The following PDE1A variants were observed in gnomAD, a reference collection of about 807,000 sequenced individuals.
The protein encoded by PDE1A is phosphodiesterase 1A, also known as dual specificity calcium/calmodulin-dependent 3',5'-cyclic nucleotide phosphodiesterase 1A.
PDE1A carries 35 observed loss-of-function variants against 61.7 expected under a neutral mutation model. The observed-to-expected ratio is 0.57, with a 90% CI of 0.43 to 0.75. PDE1A has a LOEUF of 0.75. Among genes scored for constraint, PDE1A ranks in the 30% least tolerant of loss-of-function variants. PDE1A has a pLI of 0.00. For missense variants in PDE1A, 597 were observed against 630.6 expected, an observed-to-expected ratio of 0.95 and a Z score of 0.57; for synonymous variants, 232 against 213.2, an observed-to-expected ratio of 1.09 and a Z score of -0.77.
chr2:182,706,914 A>G, the PDE1A span, among the ~76,000 whole-genome samples: 2 of 152,370 alleles, frequency 1.3e-5, no homozygotes, highest in Middle Eastern at 3.4e-3. Flanking sequence ...TAAAACTGGC[A>G]GTGAAAACAA....
the PDE1A span, among the ~76,000 whole-genome samples, chr2:182,616,949 C>G: frequency 6.6e-6 from 1 of 152,302 alleles, no homozygotes; most frequent in East Asian, 1.9e-4. Flanking sequence ...TGCCTTATGC[C>G]AGACTTCCTC....
At chr2:182,660,165 G>A in the PDE1A span, among the ~76,000 whole-genome samples, 2 of 152,134 alleles carry the variant, frequency 1.3e-5, no homozygotes, top group Admixed American at 1.3e-4. Context: ...GAAAAAGATG[G>A]TCCCCAGCCT....
At chr2:182,348,472 C>T (rs1303449119) in intron 1 of PDE1A, among the ~76,000 whole-genome samples, 1 of 152,044 alleles carries the variant, frequency 6.6e-6, no homozygotes, top group East Asian at 1.9e-4. Flanking sequence ...ACAGGAAGGC[C>T]ATAAATTCCC....
chr2:182,284,501 A>AT (rs543522720), intron 1 of PDE1A, among the ~76,000 whole-genome samples: 41 of 152,248 alleles, frequency 2.7e-4, no homozygotes, highest in African/African-American at 9.9e-4. Context: ...TAAAATGCAT[A>AT]TAAATATATT....
intron 2 of PDE1A, among the ~76,000 whole-genome samples, chr2:182,509,963 A>G (rs1231771470): frequency 1.3e-5 from 2 of 152,268 alleles, no homozygotes; most frequent in East Asian, 3.9e-4. Context: ...ATACTTATGC[A>G]GAGTTTAGTT....
Position 182,426,789 on chromosome 2 carries a change from T to C in PDE1A, c.-159A>G, listed in dbSNP as rs1703650304. 17 of 1,455,832 alleles carry C rather than the reference T, an allele frequency of 1.2e-5. No homozygotes were observed. The South Asian group carries it at 2.3e-4, about 20-fold the overall frequency. The allele number at this position is 1,455,832 out of a possible 1,614,324, so 90.2% of individuals were successfully genotyped here. On this transcript the variant is annotated 5_prime_UTR_variant, in exon 1 of 14. Transcript: ENST00000351439. The stretch of plus-strand genomic sequence containing the variant: ...GTGCTGGGAGAAAACTTCCCTGTTC[T>C]CTGCCAGCTGAGCAGTGTGTCCATA...
intron 2 of PDE1A, among the ~76,000 whole-genome samples, chr2:182,443,496 T>A (rs1463751662): frequency 6.6e-6 from 1 of 151,820 alleles, no homozygotes; most frequent in Non-Finnish European, 1.5e-5. Context: ...CTCGAGATAG[T>A]GAGTGTGTTC....
chr2:182,688,060 C>G, the PDE1A span, among the ~76,000 whole-genome samples: 47 of 152,248 alleles, frequency 3.1e-4, no homozygotes, highest in Middle Eastern at 3.4e-3. Flanking sequence ...GACTGGTGTA[C>G]CTGAAAGTGA....
chr2:182,696,587 G>A, the PDE1A span, among the ~76,000 whole-genome samples: 3 of 152,166 alleles, frequency 2.0e-5, no homozygotes, highest in African/African-American at 7.2e-5. Context: ...TCTATAGAAT[G>A]TACAACACCA....
the PDE1A span, among the ~76,000 whole-genome samples, chr2:182,541,512 G>A: frequency 6.6e-6 from 1 of 152,194 alleles, no homozygotes; most frequent in South Asian, 2.1e-4. Context: ...TGAGGTTTCA[G>A]AGAGGAAATA....
rs540466596 is a variant in PDE1A at position 182,361,918 on chromosome 2, T to C, written c.53+64660A>G. Among the ~76,000 whole-genome samples the C allele has an allele frequency of 3.9e-5, 6 of 152,162 alleles. No individual in the cohort carries two copies. In the East Asian group the frequency reaches 7.7e-4, roughly 20 times the overall value. ...CTGCCAAGTTCTTTGATTGAGGACA[T>C]AGCAGTGGCCAAGCCATCTACCAAG... is the stretch of plus-strand genomic sequence containing the variant. On this transcript the variant is annotated intron_variant, in intron 1 of 13. Coordinates refer to ENST00000351439, the Ensembl canonical transcript of PDE1A.
intron 1 of PDE1A, among the ~76,000 whole-genome samples, chr2:182,379,316 T>C (rs894734757): frequency 1.3e-5 from 2 of 152,256 alleles, no homozygotes; most frequent in African/African-American, 4.8e-5. Context: ...ATGCAATTCC[T>C]TCTCACTCTC....
the PDE1A span, among the ~76,000 whole-genome samples, chr2:182,649,607 C>CAAAA: frequency 8.8e-6 from 1 of 113,086 alleles, no homozygotes; most frequent in Non-Finnish European, 1.9e-5. Flanking sequence ...CCACTCTATA[C>CAAAA]AAAAAAAAAA....
the PDE1A span, among the ~76,000 whole-genome samples, chr2:182,566,762 T>C: frequency 1.3e-5 from 2 of 152,128 alleles, no homozygotes. Context: ...TTTCTTAACA[T>C]TCTAAGACCA....
At chr2:182,231,755 AAATACAAAAATT>A (rs1434057825) in intron 4 of PDE1A, among the ~76,000 whole-genome samples, 1 of 152,010 alleles carries the variant, frequency 6.6e-6, no homozygotes, top group East Asian at 1.9e-4. Flanking sequence ...CTCTACAAAA[AAATACAAAAATT>A]AGCCAGGTGT....
At chr2:182,312,747 G>T (rs533844805) in intron 1 of PDE1A, among the ~76,000 whole-genome samples, 1 of 150,954 alleles carries the variant, frequency 6.6e-6, no homozygotes, top group African/African-American at 2.4e-5. Context: ...TTCTAACTTC[G>T]TTCTTCTTTT....
At chr2:182,710,738 TC>T in the PDE1A span, among the ~76,000 whole-genome samples, 6 of 152,254 alleles carry the variant, frequency 3.9e-5, 2 homozygotes, top group South Asian at 1.2e-3. Flanking sequence ...TACCACATTT[TC>T]TTTATCTATT....
chr2:182,270,566 A>G (rs1284027007), intron 1 of PDE1A, among the ~76,000 whole-genome samples: 1 of 151,452 alleles, frequency 6.6e-6, no homozygotes, highest in Non-Finnish European at 1.5e-5. Flanking sequence ...TAATAATTCA[A>G]TAAATAAAAT....
chr2:182,529,417 C>G, the PDE1A span, among the ~76,000 whole-genome samples: 1 of 152,194 alleles, frequency 6.6e-6, no homozygotes, highest in African/African-American at 2.4e-5. Context: ...ATACCCCCAT[C>G]ATATCTAGAA....
Sources: gnomAD v4.1 joint callset for allele counts (sites outside exome capture counted in the v4.1 genomes callset) on GRCh38, gnomAD v4.1.1 for gene constraint, MANE v1.5 for transcripts, NCBI Gene and HGNC (gene_info 2026-07-23, HGNC 2026-07-21) for gene names.